The following ATP10A variants were observed in gnomAD, a reference collection of about 807,000 sequenced individuals.
The protein encoded by ATP10A is ATPase phospholipid transporting 10A (putative).
In ATP10A, 111 loss-of-function variants were observed where a neutral mutation model predicts 147.8. The observed-to-expected ratio is 0.75, with a 90% confidence interval of 0.64 to 0.88. The LOEUF (loss-of-function observed/expected upper bound fraction) is 0.88. ATP10A is among the 40% of genes least tolerant of loss of function. ATP10A has a pLI of 0.00. For synonymous variants in ATP10A, 875 were observed against 841.6 expected (o/e 1.04, Z -0.69); for missense variants, 1,927 against 1,959.0 (o/e 0.98, Z 0.31).
chr15:25,718,080 G>A, intron 8 of ATP10A, 102 bp downstream of exon 8: 3 of 1,255,670 alleles, frequency 2.4e-6, no homozygotes, highest in Non-Finnish European at 2.2e-6. Context: ...CCCAGCGACA[G>A]TGTATTTGTA....
intron 12 of ATP10A, among the ~76,000 whole-genome samples, chr15:25,704,375 T>C (rs1900850521): frequency 1.3e-5 from 2 of 152,232 alleles, no homozygotes; most frequent in Admixed American, 6.5e-5. Context: ...CTTCTCTAAA[T>C]GGCAACTTCC....
intron 1 of ATP10A, among the ~76,000 whole-genome samples, chr15:25,852,971 C>T (rs1378580548): frequency 6.6e-6 from 1 of 152,208 alleles, no homozygotes; most frequent in African/African-American, 2.4e-5. Context: ...AGCAAACTTT[C>T]AGAGGGCAAA....
intron 1 of ATP10A, among the ~76,000 whole-genome samples, chr15:25,825,536 G>A (rs1463707945): frequency 6.6e-6 from 1 of 152,222 alleles, no homozygotes; most frequent in South Asian, 2.1e-4. Flanking sequence ...TTGAAGGTGT[G>A]CCCAAAACAT....
chr15:25,754,046 T>G (rs142504643), intron 2 of ATP10A, among the ~76,000 whole-genome samples: 1 of 152,312 alleles, frequency 6.6e-6, no homozygotes, highest in African/African-American at 2.4e-5. Flanking sequence ...GCAATCCTCC[T>G]GCATCGGCCT....
chr15:25,757,385 A>G (rs1404827516), intron 2 of ATP10A, among the ~76,000 whole-genome samples: 1 of 152,138 alleles, frequency 6.6e-6, no homozygotes, highest in African/African-American at 2.4e-5. Flanking sequence ...GCTAATTAGA[A>G]CTACTAGAGA....
At chr15:25,799,877 G>A (rs1468896005) in intron 1 of ATP10A, among the ~76,000 whole-genome samples, 1 of 152,128 alleles carries the variant, frequency 6.6e-6, no homozygotes. Context: ...TAAAAGTTCT[G>A]GAATACAATG....
In ATP10A at chr15:25,694,824, G is replaced by A. The variant is rs1596697956; in HGVS notation, c.3083C>T (p.Ala1028Val). ...TGGCCAGCTGGGATACTTGCCTATG[G>A]CCAGGGTCATGGCCTTGAGCTTGCT... ...VRSKLKAMTL[A>V]IGDGANDVSM... Residue 1028 changes from alanine to valine, a missense_variant, in exon 14 of 21, where the codon GCC becomes GTC. Transcript: ENST00000555815. 6.2e-7 allele frequency: 1 copy of A among 1,607,026 alleles called. No homozygotes were observed. Among genetic ancestry groups the A allele is most frequent in the Non-Finnish European group, 8.5e-7 (1 of 1,175,144 alleles).
chr15:25,674,338 G>A (rs973056543), downstream of ATP10A, among the ~76,000 whole-genome samples: 6 of 152,188 alleles, frequency 3.9e-5, no homozygotes, highest in Non-Finnish European at 8.8e-5. Flanking sequence ...CTTGAGCTTG[G>A]ACAAAGGAGA....
At chr15:25,740,036 G>C (rs911590537) in intron 2 of ATP10A, among the ~76,000 whole-genome samples, 1 of 152,298 alleles carries the variant, frequency 6.6e-6, no homozygotes. Flanking sequence ...ACCACATGGG[G>C]GAGGCGTGTG....
chr15:25,806,774 A>C (rs895087614), intron 1 of ATP10A, among the ~76,000 whole-genome samples: 2 of 152,212 alleles, frequency 1.3e-5, no homozygotes, highest in Non-Finnish European at 2.9e-5. Context: ...CAGGGACTCA[A>C]AAGTCAAACA....
chr15:25,856,145 C>A (rs539193733), intron 1 of ATP10A, among the ~76,000 whole-genome samples: 2 of 152,174 alleles, frequency 1.3e-5, no homozygotes. Context: ...GGCTCTCTGT[C>A]CCCACCCAAA....
chr15:25,751,755 C>T (rs943928190), intron 2 of ATP10A, among the ~76,000 whole-genome samples: 1 of 151,998 alleles, frequency 6.6e-6, no homozygotes, highest in African/African-American at 2.4e-5. Flanking sequence ...TTATTGCAAG[C>T]TATTATTGAT....
rs200393008 is a variant in ATP10A at position 25,683,322 on chromosome 15, G to C, written c.3456C>G (p.Thr1152=). 4.4e-5 allele frequency: 71 copies of C among 1,614,136 alleles called. 1 individual carries two copies. The East Asian group carries it at 1.5e-3, about 35-fold the overall frequency. The change falls in exon 17 of 21, where the codon ACC becomes ACG. Residue 1152 remains threonine (T), a synonymous_variant. Transcript: ENST00000555815. ...DRDVPANVLL[T]NPQLYKSGQN... is the part of the protein sequence containing the mutation. ...GGCCACTCTTGTAGAGCTGCGGGTT[G>C]GTCAGCAGCACATTGGCTGGCACAT... is the stretch of plus-strand genomic sequence containing the variant.
At chr15:25,847,226 C>CGCT (rs763679344) in intron 1 of ATP10A, among the ~76,000 whole-genome samples, 24 of 49,240 alleles carry the variant, frequency 4.9e-4, no homozygotes, top group Middle Eastern at 0.017. Context: ...GAGCAGCACG[C>CGCT]GCAGGCACTC....
rs75173347 is a variant in ATP10A, at chr15:25,718,272, C to G, written c.1491G>C (p.Gln497His). Residue 497 changes from glutamine to histidine, a missense_variant, in exon 8 of 21, where the codon CAG (glutamine) becomes CAC (histidine). Gln to His is a conservative substitution (Grantham distance 24). Transcript: ENST00000555815. ...CCGTGCGCCGGTGGGACTTGGTGCT[C>G]TGGGTTCTGTGCACCACCCGGACAC... is the stretch of plus-strand genomic sequence containing the variant. ...HQSVRVVHRTQSTKSHRRTGS... is the reference protein window; with the variant it reads ...HQSVRVVHRTHSTKSHRRTGS... The G allele has an allele frequency of 1.9e-6, 3 of 1,612,472 alleles. No homozygotes were observed. In the African/African-American group the frequency reaches 4.0e-5, roughly 22 times the overall value.
intron 2 of ATP10A, among the ~76,000 whole-genome samples, chr15:25,743,058 CTG>C (rs1887654365): frequency 6.6e-6 from 1 of 152,178 alleles, no homozygotes; most frequent in African/African-American, 2.4e-5. Context: ...GGTGCTCTCT[CTG>C]TGCACAGCGT....
intron 2 of ATP10A, among the ~76,000 whole-genome samples, chr15:25,741,129 C>T (rs1887562981): frequency 6.6e-6 from 1 of 152,218 alleles, no homozygotes; most frequent in Admixed American, 6.5e-5. Context: ...CCCGTGCTTC[C>T]TGGGTGTGGC....
intron 16 of ATP10A, 118 bp from the exon 17 acceptor site, chr15:25,683,604 G>GAAAT: frequency 4.0e-6 from 4 of 996,724 alleles, no homozygotes; most frequent in Non-Finnish European, 5.9e-6. Context: ...TGTATTGGCA[G>GAAAT]CGATTTCTGC....
intron 1 of ATP10A, among the ~76,000 whole-genome samples, chr15:25,857,851 C>G (rs1465280755): frequency 6.6e-6 from 1 of 152,108 alleles, no homozygotes; most frequent in Admixed American, 6.5e-5. Context: ...TGACCTTAGG[C>G]AAGCTATTGA....
Sources: gnomAD v4.1 joint callset for allele counts (sites outside exome capture counted in the v4.1 genomes callset) on GRCh38, gnomAD v4.1.1 for gene constraint, MANE v1.5 for transcripts, NCBI Gene and HGNC (gene_info 2026-07-23, HGNC 2026-07-21) for gene names.